ITGB6: variants seen among roughly 807,000 people sequenced by gnomAD.
ITGB6 encodes integrin beta-6.
ITGB6 carries 80 observed loss-of-function variants against 84.5 expected under a neutral mutation model. That is an observed-to-expected ratio of 0.95 (90% CI 0.79 to 1.14). ITGB6 has a LOEUF of 1.14. Among genes scored for constraint, ITGB6 ranks in the 50% most tolerant of loss-of-function variants. The pLI is 0.00. For missense variants in ITGB6, 1,006 were observed against 968.0 expected (o/e 1.04, Z -0.52); for synonymous variants, 383 against 354.9 (o/e 1.08, Z -0.89).
Position 160,199,164 on chromosome 2 carries a change from G to C in ITGB6, c.141+15C>G, listed in dbSNP as rs3772066. 1.6e-4 allele frequency: 250 copies of C among 1,603,134 alleles called. 1 individual carries two copies. The East Asian group carries it at 5.6e-3, about 36-fold the overall frequency. ...CAGACAGGTTTTAAAAACACATTGA[G>C]GTCATTTATTTTACCTCCTGAGCAC... On this transcript the variant is annotated intron_variant, in intron 2 of 14. Coordinates refer to ENST00000283249, the MANE Select transcript of ITGB6 (RefSeq NM_000888.5).
At chr2:160,149,554 A>G (rs535517986) in intron 7 of ITGB6, among the ~76,000 whole-genome samples, 1 of 152,314 alleles carries the variant, frequency 6.6e-6, no homozygotes, top group African/African-American at 2.4e-5. Context: ...TTCTCCTCCA[A>G]AGAATTGCAG....
chr2:160,141,888 C>G (rs1684013231), intron 8 of ITGB6, 94 bp downstream of exon 8: 1 of 762,410 alleles, frequency 1.3e-6, no homozygotes, highest in Non-Finnish European at 2.2e-6. Context: ...ACTCTCTCTA[C>G]CAACAAGTAA....
intron 12 of ITGB6, among the ~76,000 whole-genome samples, chr2:160,122,628 G>C (rs139531879): frequency 6.6e-6 from 1 of 152,222 alleles, no homozygotes; most frequent in East Asian, 1.9e-4. Flanking sequence ...AATGTAAGGC[G>C]CACACCATTT....
intron 4 of ITGB6, among the ~76,000 whole-genome samples, chr2:160,182,788 T>C (rs1443033716): frequency 6.6e-6 from 1 of 152,184 alleles, no homozygotes. Context: ...ACTAACAGCA[T>C]ATCTCTCTGC....
intron 12 of ITGB6, among the ~76,000 whole-genome samples, chr2:160,112,404 C>T (rs955908265): frequency 7.9e-5 from 12 of 151,700 alleles, no homozygotes; most frequent in African/African-American, 2.4e-4. Flanking sequence ...CAGTTGTGGT[C>T]AATCAGGACT....
intron 4 of ITGB6, among the ~76,000 whole-genome samples, chr2:160,182,852 A>G (rs577423200): frequency 6.6e-6 from 1 of 152,216 alleles, no homozygotes; most frequent in Non-Finnish European, 1.5e-5. Flanking sequence ...ATTCTTAAAG[A>G]AAAGAATTTT....
At chr2:160,166,547 T>C (rs1428992596) in intron 7 of ITGB6, among the ~76,000 whole-genome samples, 1 of 152,182 alleles carries the variant, frequency 6.6e-6, no homozygotes, top group Admixed American at 6.5e-5. Flanking sequence ...CCTGATACTA[T>C]GTTAATGTAA....
intron 7 of ITGB6, among the ~76,000 whole-genome samples, chr2:160,152,085 T>G (rs1431006281): frequency 1.3e-5 from 2 of 152,200 alleles, no homozygotes; most frequent in Admixed American, 1.3e-4. Flanking sequence ...GAATCCTCCC[T>G]AACTCATTTT....
At chr2:160,139,127 C>G (rs1683889934) in intron 8 of ITGB6, among the ~76,000 whole-genome samples, 1 of 152,144 alleles carries the variant, frequency 6.6e-6, no homozygotes, top group African/African-American at 2.4e-5. Flanking sequence ...TTTGCTTTCT[C>G]TATTCCTTGT....
intron 13 of ITGB6, among the ~76,000 whole-genome samples, chr2:160,109,813 G>T (rs1697055773): frequency 6.6e-6 from 1 of 152,148 alleles, no homozygotes; most frequent in African/African-American, 2.4e-5. Flanking sequence ...CAATCTGGTA[G>T]CTCAATGTGC....
intron 10 of ITGB6, among the ~76,000 whole-genome samples, chr2:160,132,003 C>G (rs957021849): frequency 6.6e-6 from 1 of 152,070 alleles, no homozygotes; most frequent in African/African-American, 2.4e-5. Flanking sequence ...AAATATAGGT[C>G]GTGTTAGTAT....
intron 7 of ITGB6, among the ~76,000 whole-genome samples, chr2:160,162,923 GT>G (rs1559177389): frequency 6.6e-6 from 1 of 152,010 alleles, no homozygotes; most frequent in African/African-American, 2.4e-5. Context: ...CCGGCCGAGT[GT>G]TTATTATATT....
At chr2:160,118,041 A>C (rs530303551) in intron 12 of ITGB6, among the ~76,000 whole-genome samples, 5 of 152,132 alleles carry the variant, frequency 3.3e-5, no homozygotes, top group African/African-American at 4.8e-5. Context: ...CAACCAAAAA[A>C]AGTCCAGGAC....
At chr2:160,132,658 T>G (rs1315006114) in intron 10 of ITGB6, among the ~76,000 whole-genome samples, 1 of 152,130 alleles carries the variant, frequency 6.6e-6, no homozygotes, top group South Asian at 2.1e-4. Flanking sequence ...ATAAGACAAA[T>G]TTATACTGTT....
chr2:160,197,546 C>T (rs1471383504), intron 2 of ITGB6, among the ~76,000 whole-genome samples: 1 of 152,200 alleles, frequency 6.6e-6, no homozygotes, highest in Non-Finnish European at 1.5e-5. Flanking sequence ...GAAAACAAAA[C>T]CAATGCTCAT....
At chr2:160,121,741 C>T (rs1305904696) in intron 12 of ITGB6, among the ~76,000 whole-genome samples, 2 of 145,156 alleles carry the variant, frequency 1.4e-5, no homozygotes, top group Non-Finnish European at 3.0e-5. Flanking sequence ...ACACTCCAGC[C>T]GGGGAGACAG....
intron 14 of ITGB6, among the ~76,000 whole-genome samples, chr2:160,106,772 T>C (rs1389508358): frequency 2.6e-5 from 4 of 152,146 alleles, no homozygotes; most frequent in Non-Finnish European, 5.9e-5. Flanking sequence ...AAATGGAAAA[T>C]TCCATTTGCT....
intron 10 of ITGB6, among the ~76,000 whole-genome samples, chr2:160,127,597 T>C (rs1683290285): frequency 6.6e-6 from 1 of 152,148 alleles, no homozygotes; most frequent in African/African-American, 2.4e-5. Flanking sequence ...GTTCTCAGGA[T>C]CTCCTGGGGC....
chr2:160,190,879 T>G (rs550185018), intron 4 of ITGB6, among the ~76,000 whole-genome samples: 2 of 152,352 alleles, frequency 1.3e-5, no homozygotes, highest in South Asian at 2.1e-4. Context: ...GTACTACATG[T>G]TGCTACATCG....
Sources: allele counts gnomAD v4.1 joint callset (sites outside exome capture counted in the v4.1 genomes callset), GRCh38; gene constraint gnomAD v4.1.1; transcripts MANE v1.5; gene names NCBI Gene and HGNC (gene_info 2026-07-23, HGNC 2026-07-21).